Variants in NARS2 observed in about 807,000 individuals in gnomAD.
The protein encoded by NARS2 is asparaginyl-tRNA synthetase 2, mitochondrial, also known as asparaginyl-tRNA synthetase.
In NARS2, 60 loss-of-function variants were observed where a neutral mutation model predicts 62.9. The ratio of observed to expected loss-of-function variants is 0.95; its 90% confidence interval spans 0.77 to 1.18. NARS2 has a LOEUF of 1.18. Ranked by LOEUF, NARS2 falls within the 50% of genes most tolerant of loss-of-function variation. NARS2 has a pLI of 0.00. For synonymous variants in NARS2, 196 were observed against 200.0 expected, an observed-to-expected ratio of 0.98 and a Z score of 0.17; for missense variants, 619 against 576.4, an observed-to-expected ratio of 1.07 and a Z score of -0.76.
rs751494593 is a variant in NARS2 at position 78,534,297 on chromosome 11, GTGTTA to G, written c.595-5366_595-5362del. Among the ~76,000 whole-genome samples the G allele has an allele frequency of 1.9e-4, 29 of 152,358 alleles. No homozygotes were observed. The East Asian group carries it at 1.9e-3, about 10-fold the overall frequency. On this transcript the variant is annotated intron_variant, in intron 5 of 13. Coordinates refer to ENST00000281038, the MANE Select transcript of NARS2 (RefSeq NM_024678.6). ...TCCTTGTCAGCATTTGGTGTTGTCAGTGTTATGGATGTTGGCCGCTCAATAGGTAC... is the reference window on the plus strand; with the variant it reads ...TCCTTGTCAGCATTTGGTGTTGTCAGTGGATGTTGGCCGCTCAATAGGTAC...
At chr11:78,437,324 T>C (rs1302548859) in intron 13 of NARS2, among the ~76,000 whole-genome samples, 2 of 152,200 alleles carry the variant, frequency 1.3e-5, no homozygotes, top group African/African-American at 2.4e-5. Context: ...TTCATTCAAC[T>C]TTTTATCACC....
At chr11:78,542,105 T>G (rs540065585) in intron 5 of NARS2, among the ~76,000 whole-genome samples, 1 of 152,284 alleles carries the variant, frequency 6.6e-6, no homozygotes, top group African/African-American at 2.4e-5. Flanking sequence ...AAAATAAGGG[T>G]TCATTTACAT....
At chr11:78,500,332 G>C (rs1242728021) in intron 6 of NARS2, among the ~76,000 whole-genome samples, 1 of 152,168 alleles carries the variant, frequency 6.6e-6, no homozygotes, top group Non-Finnish European at 1.5e-5. Context: ...AAATGTCATG[G>C]AGGTTATTAT....
At chr11:78,544,659 TGG>T (rs2135472131) in intron 5 of NARS2, among the ~76,000 whole-genome samples, 2 of 151,778 alleles carry the variant, frequency 1.3e-5, no homozygotes, top group South Asian at 4.2e-4. Context: ...CCAGGCGCGG[TGG>T]TGGGTGCCTG....
intron 11 of NARS2, among the ~76,000 whole-genome samples, chr11:78,451,303 C>G (rs1857963139): frequency 6.6e-6 from 1 of 152,210 alleles, no homozygotes; most frequent in Non-Finnish European, 1.5e-5. Flanking sequence ...AGGTAGAATT[C>G]TTCTACCTTG....
rs190723188 is a variant in NARS2 at position 78,450,761 on chromosome 11, G to A, written c.1165-7003C>T. ...GTGATCTCAGCTCACTGCAACCTCC[G>A]CTTCTCAGGTTCAAGTGATTCTCCT... On this transcript the variant is annotated intron_variant, in intron 11 of 13. Coordinates refer to ENST00000281038, the MANE Select transcript of NARS2 (RefSeq NM_024678.6). Among the ~76,000 whole-genome samples the A allele has an allele frequency of 1.6e-3, 218 of 139,932 alleles. 1 individual carries two copies. Among genetic ancestry groups the A allele is most frequent in the African/African-American group, 5.5e-3 (205 of 37,392 alleles). 91.8% of individuals were successfully genotyped at this position (139,932 alleles called of 152,430 possible).
intron 6 of NARS2, among the ~76,000 whole-genome samples, chr11:78,519,509 T>A (rs1426900281): frequency 6.6e-6 from 1 of 152,202 alleles, no homozygotes; most frequent in East Asian, 1.9e-4. Flanking sequence ...TCTTTTTCTA[T>A]AAATATATGT....
Position 78,465,997 on chromosome 11 carries a change from C to T in NARS2, c.1043G>A (p.Arg348Gln), listed in dbSNP as rs769537567. ...TFTPEWGADL[R>Q]TEHEKYLVKH... ...CACCAGGTACTTTTCATGTTCAGTC[C>T]GTAGGTCAGCACCCCACTGTAATGA... Residue 348 changes from arginine to glutamine, a missense_variant, in exon 11 of 14, where the codon CGG becomes CAG. By Grantham distance (43) the Arg-to-Gln change is conservative. Coordinates refer to ENST00000281038, the MANE Select transcript of NARS2 (RefSeq NM_024678.6). 1.5e-5 allele frequency: 24 copies of T among 1,609,238 alleles called. No individual in the cohort carries two copies. Among genetic ancestry groups the T allele is most frequent in the African/African-American group, 5.4e-5 (4 of 74,666 alleles).
intron 6 of NARS2, among the ~76,000 whole-genome samples, chr11:78,518,738 C>G (rs1297476754): frequency 6.6e-6 from 1 of 152,094 alleles, no homozygotes; most frequent in Non-Finnish European, 1.5e-5. Flanking sequence ...AGGATAGTCT[C>G]CATCTCCTAA....
chr11:78,548,694 C>A (rs1855971687), intron 5 of NARS2, among the ~76,000 whole-genome samples: 1 of 152,082 alleles, frequency 6.6e-6, no homozygotes. Flanking sequence ...TAAAAAGTAG[C>A]CAAGAGGTGG....
At chr11:78,530,445 T>TA (rs752754537) in intron 5 of NARS2, among the ~76,000 whole-genome samples, 29 of 151,446 alleles carry the variant, frequency 1.9e-4, no homozygotes, top group South Asian at 6.3e-4. Context: ...TGTATTTATA[T>TA]AAAAAAAAAG....
intron 6 of NARS2, among the ~76,000 whole-genome samples, chr11:78,509,584 T>C (rs568255124): frequency 3.3e-5 from 5 of 152,152 alleles, no homozygotes; most frequent in African/African-American, 1.2e-4. Flanking sequence ...TGGTTGTAAA[T>C]CCACATTCTG....
intron 11 of NARS2, among the ~76,000 whole-genome samples, chr11:78,462,153 A>C (rs764300211): frequency 6.6e-6 from 1 of 152,222 alleles, no homozygotes; most frequent in Non-Finnish European, 1.5e-5. Flanking sequence ...AAAGATGCTT[A>C]ATCTAGGGAA....
At chr11:78,538,648 G>A (rs888457954) in intron 5 of NARS2, among the ~76,000 whole-genome samples, 2 of 152,046 alleles carry the variant, frequency 1.3e-5, no homozygotes, top group African/African-American at 2.4e-5. Flanking sequence ...CATACCTTAC[G>A]AGAGTGGAAG....
chr11:78,554,230 G>A (rs932954124), intron 5 of NARS2, among the ~76,000 whole-genome samples: 4 of 151,884 alleles, frequency 2.6e-5, no homozygotes, highest in Non-Finnish European at 5.9e-5. Context: ...TGGCTATCTG[G>A]GCTATCTTGG....
intron 7 of NARS2, among the ~76,000 whole-genome samples, chr11:78,482,278 C>T (rs966175778): frequency 1.3e-5 from 2 of 152,026 alleles, no homozygotes; most frequent in African/African-American, 2.4e-5. Flanking sequence ...GCACTAAATG[C>T]CCACATCAGA....
intron 7 of NARS2, among the ~76,000 whole-genome samples, chr11:78,480,305 ACGCAGGCAGTGGTGCAATGG>A (rs375575065): frequency 0.011 from 1,646 of 152,076 alleles, 36 homozygotes; most frequent in African/African-American, 0.039. Flanking sequence ...TTGCTCTCTC[ACGCAGGCAGTGGTGCAATGG>A]CTCACTGTAG....
chr11:78,522,291 G>A (rs1397699239), intron 6 of NARS2, among the ~76,000 whole-genome samples: 1 of 152,000 alleles, frequency 6.6e-6, no homozygotes, highest in African/African-American at 2.4e-5. Flanking sequence ...TGGTAAAATT[G>A]GTTGTGTAAG....
At chr11:78,447,995 C>A (rs1190004001) in intron 11 of NARS2, among the ~76,000 whole-genome samples, 1 of 151,512 alleles carries the variant, frequency 6.6e-6, no homozygotes, top group East Asian at 2.0e-4. Context: ...TACAAGGTGA[C>A]TAGAGTCAAC....
Sources: gnomAD v4.1 joint callset for allele counts (sites outside exome capture counted in the v4.1 genomes callset) on GRCh38, gnomAD v4.1.1 for gene constraint, MANE v1.5 for transcripts, NCBI Gene and HGNC (gene_info 2026-07-23, HGNC 2026-07-21) for gene names.